ST7: variants seen among roughly 807,000 people sequenced by gnomAD.
ST7 encodes the protein suppressor of tumorigenicity 7 protein.
A neutral mutation model predicts 78.7 loss-of-function variants in ST7; 28 were observed. The observed-to-expected ratio is 0.36, with a 90% CI of 0.26 to 0.49. The LOEUF is 0.49. Ranked by LOEUF, ST7 falls within the 20% of genes least tolerant of loss-of-function variation. The pLI is 0.99. For missense variants in ST7, 418 were observed against 696.0 expected (o/e 0.60, Z 4.49); for synonymous variants, 247 against 249.6 (o/e 0.99, Z 0.10).
intron 15 of ST7, chr7:117,222,811 T>C (rs1288303287): frequency 7.1e-7 from 1 of 1,404,652 alleles, no homozygotes; most frequent in South Asian, 1.2e-5. Flanking sequence ...GCGAGTGCAA[T>C]CAGAAAGGAT....
chr7:117,094,641 A>G (rs903201691), intron 1 of ST7, among the ~76,000 whole-genome samples: 2 of 152,180 alleles, frequency 1.3e-5, no homozygotes, highest in African/African-American at 2.4e-5. Flanking sequence ...TCTCAGCCTC[A>G]GAGCAGTTCT....
chr7:117,090,252 CAG>C (rs1314314461), intron 1 of ST7, among the ~76,000 whole-genome samples: 7 of 131,242 alleles, frequency 5.3e-5, no homozygotes, highest in African/African-American at 1.7e-4. Context: ...CACACACACA[CAG>C]ACACACACAC....
At chr7:117,107,895 G>A (rs1326151626) in intron 2 of ST7, among the ~76,000 whole-genome samples, 1 of 151,730 alleles carries the variant, frequency 6.6e-6, no homozygotes, top group Non-Finnish European at 1.5e-5. Context: ...GATTGTAGAC[G>A]TCAGCCACTG....
Position 117,088,653 on chromosome 7 carries a change from A to G in ST7, c.152-11109A>G, listed in dbSNP as rs1800343612. On this transcript the variant is annotated intron_variant, in intron 1 of 15. Coordinates refer to ENST00000323984, the MANE Select transcript of ST7 (RefSeq NM_001369598.1). ...ATCTTACTATTAAAGTTTCTGTAATATTTTTTGGTATAACTTCCAGTATAG... is the reference window on the plus strand; with the variant it reads ...ATCTTACTATTAAAGTTTCTGTAATGTTTTTTGGTATAACTTCCAGTATAG... 2.0e-5 allele frequency among the ~76,000 whole-genome samples: 3 copies of G among 152,180 alleles called. No homozygotes were observed. In the South Asian group the frequency reaches 6.2e-4, roughly 31 times the overall value.
intron 1 of ST7, among the ~76,000 whole-genome samples, chr7:117,084,690 G>A (rs895347020): frequency 6.6e-6 from 1 of 152,132 alleles, no homozygotes; most frequent in Non-Finnish European, 1.5e-5. Context: ...CCCATTGCTG[G>A]TTGTTTTATG....
chr7:117,130,099 A>G (rs925143575), intron 4 of ST7, among the ~76,000 whole-genome samples: 1 of 151,948 alleles, frequency 6.6e-6, no homozygotes, highest in African/African-American at 2.4e-5. Flanking sequence ...TATATACTAT[A>G]CATTGAAAAC....
At chr7:117,033,161 C>T (rs1188463529) in intron 1 of ST7, among the ~76,000 whole-genome samples, 3 of 152,100 alleles carry the variant, frequency 2.0e-5, no homozygotes, top group Non-Finnish European at 2.9e-5. Flanking sequence ...TTGAAGATTT[C>T]CATACCAGGA....
intron 12 of ST7, among the ~76,000 whole-genome samples, chr7:117,196,932 A>C (rs1198800791): frequency 6.6e-6 from 1 of 152,100 alleles, no homozygotes; most frequent in Non-Finnish European, 1.5e-5. Flanking sequence ...TTTATATTTA[A>C]ATTTTTAATG....
chr7:117,123,458 C>T (rs911810255), intron 3 of ST7, among the ~76,000 whole-genome samples: 1 of 152,108 alleles, frequency 6.6e-6, no homozygotes, highest in African/African-American at 2.4e-5. Flanking sequence ...TCTTTATCTG[C>T]GGGCCAGTGG....
At chr7:117,151,587 A>T (rs919780467) in intron 9 of ST7, among the ~76,000 whole-genome samples, 2 of 152,080 alleles carry the variant, frequency 1.3e-5, no homozygotes, top group African/African-American at 4.8e-5. Context: ...TTGCCCCTTC[A>T]CTTTTGAAAT....
chr7:117,029,710 T>C (rs1178617880), intron 1 of ST7, among the ~76,000 whole-genome samples: 1 of 152,086 alleles, frequency 6.6e-6, no homozygotes, highest in Non-Finnish European at 1.5e-5. Context: ...CTATGATCCA[T>C]CTTTAGTACA....
At chr7:117,076,277 T>A (rs1003184119) in intron 1 of ST7, among the ~76,000 whole-genome samples, 1 of 152,254 alleles carries the variant, frequency 6.6e-6, no homozygotes, top group South Asian at 2.1e-4. Context: ...ACAGAAACTA[T>A]CTTGATAAAT....
chr7:117,120,175 C>G (rs751809752), intron 3 of ST7, among the ~76,000 whole-genome samples: 30 of 152,260 alleles, frequency 2.0e-4, no homozygotes, highest in Non-Finnish European at 3.5e-4. Context: ...AGTAATCTGC[C>G]CGCCTTGGCC....
intron 1 of ST7, chr7:116,972,801 T>C: frequency 2.1e-6 from 2 of 959,034 alleles, no homozygotes; most frequent in Non-Finnish European, 1.7e-6. Flanking sequence ...AACACCTTTC[T>C]CCCTCAACTT....
chr7:117,097,908 A>ATATATATATATATTTTTTTTTTT, intron 1 of ST7, among the ~76,000 whole-genome samples: 1 of 30,012 alleles, frequency 3.3e-5, no homozygotes, highest in Non-Finnish European at 5.4e-5. Flanking sequence ...ATATATATAT[A>ATATATATATATATTTTTTTTTTT]TTTTTTTTTT....
chr7:117,016,202 G>T (rs1795606938), intron 1 of ST7, among the ~76,000 whole-genome samples: 1 of 152,126 alleles, frequency 6.6e-6, no homozygotes, highest in Non-Finnish European at 1.5e-5. Flanking sequence ...TGTCTTGTGT[G>T]TGCATTTTGA....
intron 9 of ST7, among the ~76,000 whole-genome samples, chr7:117,153,106 G>A (rs902265614): frequency 1.3e-5 from 2 of 152,112 alleles, no homozygotes. Flanking sequence ...TTATTTTCAG[G>A]GTGGTTGGTG....
intron 1 of ST7, chr7:116,957,208 A>G (rs1054612612): frequency 1.3e-5 from 2 of 153,788 alleles, no homozygotes; most frequent in African/African-American, 4.8e-5. Context: ...TAGGGTAGGG[A>G]TATAGTTCAA....
At chr7:116,996,604 T>C (rs981159164) in intron 1 of ST7, among the ~76,000 whole-genome samples, 7 of 152,182 alleles carry the variant, frequency 4.6e-5, no homozygotes, top group African/African-American at 1.7e-4. Context: ...TGTTCCCTAC[T>C]CCAGTCCATT....
Sources: gnomAD v4.1 joint callset for allele counts (sites outside exome capture counted in the v4.1 genomes callset) on GRCh38, gnomAD v4.1.1 for gene constraint, MANE v1.5 for transcripts, NCBI Gene and HGNC (gene_info 2026-07-23, HGNC 2026-07-21) for gene names.